The following YBEY variants were observed in gnomAD, a reference collection of about 807,000 sequenced individuals.
The protein encoded by YBEY is ybeY metalloendoribonuclease.
In YBEY, 15 loss-of-function variants were observed where a neutral mutation model predicts 13.5. The observed-to-expected ratio is 1.11, with a 90% CI of 0.75 to 1.72. The LOEUF is 1.72. YBEY is among the 40% of genes most tolerant of loss of function. YBEY has a pLI of 0.00. For missense variants in YBEY, 244 were observed against 208.4 expected (o/e 1.17, Z -1.05); for synonymous variants, 101 against 83.1 (o/e 1.21, Z -1.17).
intron 3 of YBEY, 87 bp downstream of exon 3, chr21:46,291,549 G>A: frequency 6.4e-7 from 1 of 1,568,910 alleles, no homozygotes; most frequent in Non-Finnish European, 8.6e-7. Flanking sequence ...GCATCCATGT[G>A]TGTCCGTGGG....
chr21:46,297,628 G>T lies in YBEY; in HGVS notation c.498G>T (p.Gly166=). The T allele has an allele frequency of 7.6e-7, 1 of 1,323,154 alleles. No homozygotes were observed. The highest frequency in any genetic ancestry group is 9.8e-7 in the Non-Finnish European group (1 of 1,023,626). 82.0% of individuals were successfully genotyped at this position (1,323,154 alleles called of 1,614,324 possible). A position where few individuals can be genotyped will look rare whatever the true frequency, so the allele number is the denominator to read the frequency against. ...CCCTGACCCGGGGCCTCTTCGGAGG[G>T]AGCTGAGGGCCGCGTTCCTTCTGAA... ...LQPLTRGLFG[G]S is the part of the protein sequence containing the mutation. The change falls in exon 5 of 5, where the codon GGG becomes GGT. Residue 166 remains glycine (G), a synonymous_variant. Transcript: ENST00000397701.
chr21:46,311,867 C>T, the YBEY span, among the ~76,000 whole-genome samples: 2 of 150,280 alleles, frequency 1.3e-5, no homozygotes, highest in Non-Finnish European at 3.0e-5. Context: ...ACCTACCCAT[C>T]CATCCAACCA....
downstream of YBEY, chr21:46,301,659 T>G: frequency 9.0e-7 from 1 of 1,110,880 alleles, no homozygotes; most frequent in Non-Finnish European, 1.1e-6. Flanking sequence ...GGCCTCAACT[T>G]TACCTCCGTG....
intron 2 of YBEY, among the ~76,000 whole-genome samples, chr21:46,288,492 A>G (rs902688988): frequency 1.2e-4 from 19 of 152,156 alleles, no homozygotes; most frequent in African/African-American, 4.1e-4. Context: ...CCTGGCCAAC[A>G]TGGTGAAACC....
chr21:46,300,612 G>A (rs1427711378), downstream of YBEY: 20 of 1,192,086 alleles, frequency 1.7e-5, no homozygotes, highest in African/African-American at 8.0e-5. Flanking sequence ...CAGTAGCTGC[G>A]CTGGGCCCTT....
intron 3 of YBEY, among the ~76,000 whole-genome samples, chr21:46,295,154 TC>T (rs1484938669): frequency 6.6e-6 from 1 of 152,090 alleles, no homozygotes; most frequent in African/African-American, 2.4e-5. Flanking sequence ...TCCCTGGTCT[TC>T]CCCTGGCATT....
In YBEY at chr21:46,291,322, C is replaced by G. The variant is rs766814363; in HGVS notation, c.211-12C>G. 3.0e-5 allele frequency: 48 copies of G among 1,613,294 alleles called. No individual in the cohort carries two copies. Among genetic ancestry groups the G allele is most frequent in the Non-Finnish European group, 4.1e-5 (48 of 1,179,674 alleles). On this transcript the variant is annotated splice_polypyrimidine_tract_variant and intron_variant, in intron 2 of 4. Coordinates refer to ENST00000397701, the MANE Select transcript of YBEY (RefSeq NM_001314025.2). ...TTCCTGTTCTCTAAGTCTACATTTCCTCATTTTTTAGCATCTGAAAGCAGG... is the reference window on the plus strand; with the variant it reads ...TTCCTGTTCTCTAAGTCTACATTTCGTCATTTTTTAGCATCTGAAAGCAGG...
chr21:46,304,458 C>T, the YBEY span, among the ~76,000 whole-genome samples: 1 of 151,490 alleles, frequency 6.6e-6, no homozygotes. Context: ...TGCACTCCAG[C>T]CTGGGCAATG....
chr21:46,307,859 T>C, the YBEY span, among the ~76,000 whole-genome samples: 2 of 152,184 alleles, frequency 1.3e-5, no homozygotes, highest in Non-Finnish European at 2.9e-5. Flanking sequence ...CAACCACCAC[T>C]GCATCCTGTT....
the YBEY span, among the ~76,000 whole-genome samples, chr21:46,311,189 A>C: frequency 1.3e-5 from 2 of 152,140 alleles, no homozygotes; most frequent in Admixed American, 6.6e-5. Flanking sequence ...ATTTTAAAAG[A>C]AGCATCTTAA....
chr21:46,295,050 C>T (rs534879145), intron 3 of YBEY, among the ~76,000 whole-genome samples: 2 of 152,146 alleles, frequency 1.3e-5, no homozygotes, highest in East Asian at 1.9e-4. Context: ...GTGGCCCAGC[C>T]GGAGATTCAG....
chr21:46,302,405 A>T (rs1355876081), downstream of YBEY: 4 of 1,215,046 alleles, frequency 3.3e-6, no homozygotes, highest in Non-Finnish European at 4.7e-6. Flanking sequence ...TCAGAGCTAC[A>T]CAGATGCAGA....
At chr21:46,310,148 T>C in the YBEY span, among the ~76,000 whole-genome samples, 3 of 152,028 alleles carry the variant, frequency 2.0e-5, no homozygotes, top group Admixed American at 6.6e-5. Context: ...TCAGTCTTGA[T>C]TGTAGTGATA....
chr21:46,303,706 A>ACAC, the YBEY span, among the ~76,000 whole-genome samples: 2 of 25,764 alleles, frequency 7.8e-5, no homozygotes, highest in South Asian at 1.5e-3. Context: ...ACACACACAC[A>ACAC]AAATATATAT....
At chr21:46,292,602 G>A (rs3175286) in intron 3 of YBEY, among the ~76,000 whole-genome samples, 20,342 of 64,278 alleles carry the variant, frequency 0.32, 1,409 homozygotes, top group Admixed American at 0.38. Context: ...AGCCTGACCC[G>A]TGCCCGGGAC....
chr21:46,287,124 G>T lies in YBEY; in HGVS notation c.210+1G>T. The stretch of plus-strand genomic sequence containing the variant: ...TGTGCTTTCTTTTCCATTTCATGAG[G>T]TAAAAAAAAAATGTTCCTCTTCTTG... On this transcript the variant is annotated splice_donor_variant, in intron 2 of 4. Transcript: ENST00000397701. LOFTEE classifies it high-confidence loss of function. 1.6e-6 allele frequency: 2 copies of T among 1,216,158 alleles called. No homozygotes were observed. The highest frequency in any genetic ancestry group is 2.2e-6 in the Non-Finnish European group (2 of 896,390). 75.3% of individuals were successfully genotyped at this position (1,216,158 alleles called of 1,614,324 possible).
At chr21:46,312,978 A>C in the YBEY span, 40 of 985,348 alleles carry the variant, frequency 4.1e-5, no homozygotes, top group East Asian at 2.9e-3. Context: ...CGAGCATGAA[A>C]GGCCTTCTGT....
At position 46,287,126 on chromosome 21, in the gene YBEY, A is replaced by T. The variant is rs202070025; in HGVS notation, c.210+3A>T. ...TGCTTTCTTTTCCATTTCATGAGGTAAAAAAAAAATGTTCCTCTTCTTGTC... is the reference window on the plus strand; with the variant it reads ...TGCTTTCTTTTCCATTTCATGAGGTTAAAAAAAAATGTTCCTCTTCTTGTC... On this transcript the variant is annotated splice_donor_region_variant and intron_variant, in intron 2 of 4. Coordinates refer to ENST00000397701, the MANE Select transcript of YBEY (RefSeq NM_001314025.2). 8.0e-7 allele frequency: 1 copy of T among 1,257,552 alleles called. No individual in the cohort carries two copies. The highest frequency in any genetic ancestry group is 1.0e-6 in the Non-Finnish European group (1 of 957,894). The allele number at this position is 1,257,552 out of a possible 1,614,324, so 77.9% of individuals were successfully genotyped here.
At chr21:46,288,268 C>G (rs1166457819) in intron 2 of YBEY, among the ~76,000 whole-genome samples, 1 of 152,220 alleles carries the variant, frequency 6.6e-6, no homozygotes, top group Non-Finnish European at 1.5e-5. Flanking sequence ...TGACTTCATT[C>G]AAGGCTTCCC....
Sources: allele counts gnomAD v4.1 joint callset (sites outside exome capture counted in the v4.1 genomes callset), GRCh38; gene constraint gnomAD v4.1.1; transcripts MANE v1.5; gene names NCBI Gene and HGNC (gene_info 2026-07-23, HGNC 2026-07-21).